The following LAMA2 variants were observed in gnomAD, a reference collection of about 807,000 sequenced individuals.
LAMA2 encodes laminin subunit alpha-2.
Under a neutral mutation model 364.8 loss-of-function variants are expected in LAMA2, and 269 were observed. The ratio of observed to expected loss-of-function variants is 0.74; its 90% CI spans 0.67 to 0.82. LAMA2 has a LOEUF of 0.82. Among genes scored for constraint, LAMA2 ranks in the 40% least tolerant of loss-of-function variants. LAMA2 has a pLI of 0.00. For missense variants in LAMA2, 3,807 were observed against 3,873.2 expected (o/e 0.98, Z 0.45); for synonymous variants, 1,379 against 1,370.6 (o/e 1.01, Z -0.14).
chr6:129,245,323 C>T (rs1339574088), intron 12 of LAMA2, among the ~76,000 whole-genome samples: 1 of 152,102 alleles, frequency 6.6e-6, no homozygotes, highest in African/African-American at 2.4e-5. Context: ...ACTAAAATTG[C>T]ACTTACTCCT....
intron 1 of LAMA2, among the ~76,000 whole-genome samples, chr6:128,902,622 G>A (rs926047407): frequency 1.3e-5 from 2 of 152,194 alleles, no homozygotes; most frequent in Admixed American, 1.3e-4. Flanking sequence ...CCATTTTAAA[G>A]TAGAAGAGAA....
At chr6:128,965,233 A>G (rs887491546) in intron 1 of LAMA2, among the ~76,000 whole-genome samples, 5 of 152,056 alleles carry the variant, frequency 3.3e-5, no homozygotes, top group African/African-American at 1.2e-4. Flanking sequence ...GAGCTGACCA[A>G]TATATTGGAA....
chr6:129,373,521 A>G (rs953481748), intron 34 of LAMA2, among the ~76,000 whole-genome samples: 1 of 152,158 alleles, frequency 6.6e-6, no homozygotes, highest in Admixed American at 6.5e-5. Context: ...AAATATTACC[A>G]TTAACCCAAG....
At chr6:129,314,510 A>G (rs1774449681) in intron 23 of LAMA2, 145 bp from the exon 24 acceptor site, 2 of 712,340 alleles carry the variant, frequency 2.8e-6, no homozygotes, top group East Asian at 2.8e-5. Flanking sequence ...TACATGTGCC[A>G]TTTGAGATGT....
At chr6:129,373,528 C>T (rs1227573136) in intron 34 of LAMA2, among the ~76,000 whole-genome samples, 2 of 152,000 alleles carry the variant, frequency 1.3e-5, no homozygotes, top group Admixed American at 1.3e-4. Context: ...ACCATTAACC[C>T]AAGACTGTAT....
chr6:129,449,679 A>G (rs369681942), intron 45 of LAMA2, among the ~76,000 whole-genome samples: 4 of 152,178 alleles, frequency 2.6e-5, no homozygotes, highest in East Asian at 3.8e-4. Context: ...TATGTATTCT[A>G]TACAATAGAT....
At chr6:128,908,737 A>G (rs1344567457) in intron 1 of LAMA2, among the ~76,000 whole-genome samples, 1 of 145,756 alleles carries the variant, frequency 6.9e-6, no homozygotes, top group South Asian at 2.2e-4. Flanking sequence ...TAGGGTGTCA[A>G]TTTTGGATCT....
chr6:129,373,739 G>T (rs1028184021), intron 34 of LAMA2, among the ~76,000 whole-genome samples: 13 of 152,084 alleles, frequency 8.5e-5, no homozygotes, highest in African/African-American at 3.1e-4. Context: ...CTCAATTGGG[G>T]TTTGCCTCAT....
chr6:129,434,308 T>G (rs1036982761), intron 41 of LAMA2, among the ~76,000 whole-genome samples: 3 of 152,178 alleles, frequency 2.0e-5, no homozygotes, highest in African/African-American at 7.2e-5. Flanking sequence ...CTCTGCTGCT[T>G]CCATTCCCTC....
chr6:129,035,281 T>TTTTTC (rs200142123), intron 1 of LAMA2, among the ~76,000 whole-genome samples: 67 of 145,324 alleles, frequency 4.6e-4, no homozygotes, highest in African/African-American at 1.5e-3. Flanking sequence ...CTTGTATGTC[T>TTTTTC]TTTTCTTTTC....
chr6:128,933,254 G>GTGTT (rs757047313), intron 1 of LAMA2, among the ~76,000 whole-genome samples: 21 of 151,456 alleles, frequency 1.4e-4, no homozygotes, highest in Non-Finnish European at 2.5e-4. Flanking sequence ...GTGTGTGTGT[G>GTGTT]TGTGTGTGTG....
intron 30 of LAMA2, among the ~76,000 whole-genome samples, chr6:129,343,070 G>A (rs1776357212): frequency 6.6e-6 from 1 of 152,126 alleles, no homozygotes; most frequent in African/African-American, 2.4e-5. Context: ...TCTTATTTCA[G>A]TGCTGTCTGA....
chr6:129,373,657 T>C (rs1458871582), intron 34 of LAMA2, among the ~76,000 whole-genome samples: 1 of 152,174 alleles, frequency 6.6e-6, no homozygotes, highest in Non-Finnish European at 1.5e-5. Flanking sequence ...GACGACACTG[T>C]CAAAAATACT....
chr6:129,442,920 C>G lies in LAMA2; in HGVS notation c.6269-143C>G, dbSNP rs59195800. 8.6e-3 allele frequency: 5,088 copies of G among 589,072 alleles called. 209 individuals are homozygous for G. The African/African-American group carries it at 0.087, about 10-fold the overall frequency. 36.5% of individuals were successfully genotyped at this position (589,072 alleles called of 1,614,324 possible). A position where few individuals can be genotyped will look rare whatever the true frequency, so the allele number is the denominator to read the frequency against. On this transcript the variant is annotated intron_variant, in intron 43 of 64. Coordinates refer to ENST00000421865, the MANE Select transcript of LAMA2 (RefSeq NM_000426.4). ...TACTTTTATTTGATAACAATTGCTTCAGTTAAAATGGGGTGCATTTATAAT... is the reference window on the plus strand; with the variant it reads ...TACTTTTATTTGATAACAATTGCTTGAGTTAAAATGGGGTGCATTTATAAT...
chr6:129,160,238 T>C (rs188265867), intron 8 of LAMA2, among the ~76,000 whole-genome samples: 1 of 152,154 alleles, frequency 6.6e-6, no homozygotes, highest in African/African-American at 2.4e-5. Context: ...GTTTTCTTCG[T>C]GCATTGTATT....
intron 32 of LAMA2, among the ~76,000 whole-genome samples, chr6:129,362,411 T>C (rs561659670): frequency 6.6e-6 from 1 of 152,216 alleles, no homozygotes; most frequent in East Asian, 1.9e-4. Context: ...ACCTCTTCCC[T>C]CTTCCCCTCT....
chr6:129,070,240 A>G (rs1773224615), intron 3 of LAMA2, among the ~76,000 whole-genome samples: 1 of 152,190 alleles, frequency 6.6e-6, no homozygotes, highest in Non-Finnish European at 1.5e-5. Flanking sequence ...GGCAAAGAGC[A>G]TAGCACACTG....
At chr6:129,014,801 C>G (rs1199245843) in intron 1 of LAMA2, among the ~76,000 whole-genome samples, 5 of 151,960 alleles carry the variant, frequency 3.3e-5, no homozygotes, top group Non-Finnish European at 7.4e-5. Flanking sequence ...AATAGTGAAC[C>G]TATCATCTTT....
At chr6:129,068,624 T>C (rs763164979) in intron 3 of LAMA2, among the ~76,000 whole-genome samples, 3 of 151,918 alleles carry the variant, frequency 2.0e-5, no homozygotes, top group Non-Finnish European at 4.4e-5. Flanking sequence ...TTTCAACATA[T>C]GAATTTTAGG....
Sources: gnomAD v4.1 joint callset for allele counts (sites outside exome capture counted in the v4.1 genomes callset) on GRCh38, gnomAD v4.1.1 for gene constraint, MANE v1.5 for transcripts, NCBI Gene and HGNC (gene_info 2026-07-23, HGNC 2026-07-21) for gene names.